Variants in FRMD4A observed in about 807,000 individuals in gnomAD.
FRMD4A encodes FERM domain-containing protein 4A.
FRMD4A carries 29 observed loss-of-function variants against 129.1 expected under a neutral mutation model. The ratio of observed to expected loss-of-function variants is 0.22; its 90% CI spans 0.17 to 0.31. The LOEUF is 0.31. Ranked by LOEUF, FRMD4A falls within the 10% of genes least tolerant of loss-of-function variation. The pLI, the probability that FRMD4A is intolerant of heterozygous loss-of-function variation, is 1.00. For missense variants in FRMD4A, 1,272 were observed against 1,375.8 expected (o/e 0.92, Z 1.19); for synonymous variants, 634 against 571.6 (o/e 1.11, Z -1.56).
intron 2 of FRMD4A, among the ~76,000 whole-genome samples, chr10:13,950,697 G>A (rs972658855): frequency 2.6e-5 from 4 of 152,072 alleles, no homozygotes; most frequent in African/African-American, 4.8e-5. Flanking sequence ...TGCCACATTC[G>A]TTTCTGCCTC....
chr10:14,190,765 T>C (rs1343940664), intron 2 of FRMD4A, among the ~76,000 whole-genome samples: 2 of 152,240 alleles, frequency 1.3e-5, no homozygotes, highest in Non-Finnish European at 2.9e-5. Context: ...CAAATCTGTC[T>C]ATCTGTGCTG....
chr10:13,733,111 A>G (rs1305098407), intron 12 of FRMD4A, among the ~76,000 whole-genome samples: 2 of 152,212 alleles, frequency 1.3e-5, no homozygotes, highest in African/African-American at 2.4e-5. Context: ...GCGGACTTGC[A>G]TCGATATGCA....
At chr10:14,019,483 A>G (rs1354179297) in intron 2 of FRMD4A, among the ~76,000 whole-genome samples, 1 of 152,194 alleles carries the variant, frequency 6.6e-6, no homozygotes, top group Non-Finnish European at 1.5e-5. Flanking sequence ...TTAAGCTGTG[A>G]TGCCAATATA....
intron 2 of FRMD4A, among the ~76,000 whole-genome samples, chr10:13,951,890 AAATAATAAT>A (rs5783371): frequency 0.052 from 6,693 of 127,648 alleles, 288 homozygotes; most frequent in Non-Finnish European, 0.071. Flanking sequence ...ACTCTGTCTC[AAATAATAAT>A]AATAATAATA....
intron 2 of FRMD4A, among the ~76,000 whole-genome samples, chr10:14,185,675 G>GC (rs1564371828): frequency 6.6e-6 from 1 of 152,200 alleles, no homozygotes; most frequent in East Asian, 1.9e-4. Context: ...CAGATGAGCA[G>GC]AAGAGAGGAT....
At position 14,090,971 on chromosome 10, in the gene FRMD4A, G is replaced by A. The variant is rs1424725636; in HGVS notation, c.46-232059C>T. ...CCATAGGCACACACCACCACGCCCA[G>A]CTCAAACTAACATTTGACTGCCTTG... On this transcript the variant is annotated intron_variant, in intron 2 of 24. Transcript: ENST00000357447. Among the ~76,000 whole-genome samples the A allele has an allele frequency of 2.0e-5, 3 of 152,034 alleles. No individual in the cohort carries two copies. In the East Asian group the frequency reaches 5.8e-4, roughly 29 times the overall value.
At chr10:14,097,102 A>G (rs1364029467) in intron 2 of FRMD4A, 1 of 128,696 alleles carries the variant, frequency 7.8e-6, no homozygotes, top group Non-Finnish European at 1.6e-5. Flanking sequence ...AGATGGCACC[A>G]TTGCCCTCCA....
intron 3 of FRMD4A, among the ~76,000 whole-genome samples, chr10:13,812,624 A>T (rs2093468679): frequency 6.6e-6 from 1 of 152,216 alleles, no homozygotes; most frequent in African/African-American, 2.4e-5. Flanking sequence ...CGCTGAGTTT[A>T]AAAAGCCAAA....
At chr10:14,071,001 C>A (rs1293837069) in intron 2 of FRMD4A, among the ~76,000 whole-genome samples, 2 of 152,204 alleles carry the variant, frequency 1.3e-5, no homozygotes, top group Non-Finnish European at 1.5e-5. Context: ...GCCAGTGAAT[C>A]TTCAGTAAGT....
At chr10:13,697,078 T>G (rs2086292209) in intron 14 of FRMD4A, among the ~76,000 whole-genome samples, 1 of 151,746 alleles carries the variant, frequency 6.6e-6, no homozygotes, top group African/African-American at 2.4e-5. Context: ...AACAAAAATA[T>G]GAGATCAAAA....
intron 12 of FRMD4A, among the ~76,000 whole-genome samples, chr10:13,722,617 T>A (rs1040689645): frequency 6.6e-6 from 1 of 152,138 alleles, no homozygotes; most frequent in African/African-American, 2.4e-5. Flanking sequence ...TGAATTATGC[T>A]GTCTGTGAGT....
chr10:13,683,410 C>T (rs1396526764), intron 15 of FRMD4A, among the ~76,000 whole-genome samples: 5 of 150,802 alleles, frequency 3.3e-5, no homozygotes, highest in Admixed American at 3.3e-4. Context: ...CACAGCGAGA[C>T]CCTATCTGTA....
intron 18 of FRMD4A, among the ~76,000 whole-genome samples, chr10:13,664,186 A>C (rs1171622395): frequency 6.6e-6 from 1 of 152,234 alleles, no homozygotes; most frequent in African/African-American, 2.4e-5. Context: ...CAAAGGTCCC[A>C]AGTCTTCAGA....
At chr10:14,048,902 GAAAATAA>G (rs1470931967) in intron 2 of FRMD4A, among the ~76,000 whole-genome samples, 77 of 122,802 alleles carry the variant, frequency 6.3e-4, no homozygotes, top group African/African-American at 2.7e-3. Flanking sequence ...GAATAGAATA[GAAAATAA>G]AATGAAATAT....
At chr10:14,014,469 C>T (rs1301607136) in intron 2 of FRMD4A, among the ~76,000 whole-genome samples, 1 of 152,046 alleles carries the variant, frequency 6.6e-6, no homozygotes, top group Non-Finnish European at 1.5e-5. Flanking sequence ...GAAGGGAAAC[C>T]CTGTGTTTCT....
chr10:13,949,301 CAA>C (rs34006963), intron 2 of FRMD4A, among the ~76,000 whole-genome samples: 3 of 98,930 alleles, frequency 3.0e-5, no homozygotes, highest in African/African-American at 4.8e-5. Context: ...TTCTAGTGAT[CAA>C]AAAAAAAAAA....
At chr10:14,128,046 C>T (rs913649667) in intron 2 of FRMD4A, among the ~76,000 whole-genome samples, 24 of 78,056 alleles carry the variant, frequency 3.1e-4, no homozygotes, top group African/African-American at 6.4e-4. Context: ...CTTTCTTTCC[C>T]TCTTTCTTTC....
chr10:14,307,386 G>T lies in FRMD4A; in HGVS notation c.45+22672C>A, dbSNP rs1235271279. Among the ~76,000 whole-genome samples the T allele has an allele frequency of 3.3e-5, 5 of 152,184 alleles. No homozygotes were observed. The East Asian group carries it at 5.8e-4, about 18-fold the overall frequency. On this transcript the variant is annotated intron_variant, in intron 2 of 24. Transcript: ENST00000357447. ...CCATCAAAAGAAAAAGAGGATGAGC[G>T]CATGACAGATCTTATTTGTCCTGGC...
chr10:13,766,842 A>T (rs2092303297), intron 6 of FRMD4A, among the ~76,000 whole-genome samples: 1 of 152,184 alleles, frequency 6.6e-6, no homozygotes, highest in Non-Finnish European at 1.5e-5. Context: ...TGGGAGACCG[A>T]GGAGGGCAGA....
Sources: allele counts gnomAD v4.1 joint callset (sites outside exome capture counted in the v4.1 genomes callset), GRCh38; gene constraint gnomAD v4.1.1; transcripts MANE v1.5; gene names NCBI Gene and HGNC (gene_info 2026-07-23, HGNC 2026-07-21).